The following POLE variants were observed in gnomAD, a reference collection of about 807,000 sequenced individuals.
POLE encodes DNA polymerase epsilon, catalytic subunit, also known as DNA polymerase epsilon catalytic subunit A.
Under a neutral mutation model 279.2 loss-of-function variants are expected in POLE, and 188 were observed. The ratio of observed to expected loss-of-function variants is 0.67; its 90% confidence interval spans 0.60 to 0.76. The LOEUF is 0.76. POLE is among the 30% of genes least tolerant of loss of function. The pLI, the probability that POLE is intolerant of heterozygous loss-of-function variation, is 0.00. For synonymous variants in POLE, 1,214 were observed against 1,172.5 expected, an observed-to-expected ratio of 1.04 and a Z score of -0.72; for missense variants, 2,703 against 3,016.7, an observed-to-expected ratio of 0.90 and a Z score of 2.44.
rs2138464008 is a variant in POLE at position 132,632,698 on chromosome 12, G to A, written c.6102C>T (p.Ser2034=). ...PVRRRGASQL[S]QEAEGAVGAL... ...CTCCGACCGCCCCCTCGGCCTCCTG[G>A]GAGAGCTGGCTGGCCCCCCTCCTCC... The change falls in exon 44 of 49, where the codon TCC becomes TCT. Residue 2034 remains serine (S), a synonymous_variant. Transcript: ENST00000320574. 1.2e-6 allele frequency: 2 copies of A among 1,613,998 alleles called. No individual in the cohort carries two copies. The highest frequency in any genetic ancestry group is 1.7e-6 in the Non-Finnish European group (2 of 1,180,006).
At chr12:132,645,800 CCACA>C (rs10553413) in intron 32 of POLE, among the ~76,000 whole-genome samples, 1 of 149,764 alleles carries the variant, frequency 6.7e-6, no homozygotes, top group African/African-American at 2.5e-5. Context: ...ACACACACAC[CCACA>C]CACACACACA....
At chr12:132,626,787 C>T (rs903493464) in intron 45 of POLE, among the ~76,000 whole-genome samples, 2 of 152,120 alleles carry the variant, frequency 1.3e-5, no homozygotes, top group Admixed American at 1.3e-4. Flanking sequence ...GAAAAAGGTA[C>T]AAAGATGATT....
Position 132,668,691 on chromosome 12 carries a change from T to C in POLE, c.1970A>G (p.Asn657Ser), listed in dbSNP as rs763809781. 15 of 1,613,934 alleles carry C rather than the reference T, an allele frequency of 9.3e-6. No homozygotes were observed. The highest frequency in any genetic ancestry group is 1.1e-5 in the Non-Finnish European group (13 of 1,179,948). Residue 657 changes from asparagine to serine, a missense_variant, in exon 18 of 49, where the codon AAT becomes AGT. Asn to Ser is a conservative substitution (Grantham distance 46, BLOSUM62 1). Coordinates refer to ENST00000320574, the MANE Select transcript of POLE (RefSeq NM_006231.4). The surrounding 1 kb of genome is among the most constrained non-coding windows in gnomAD (Gnocchi z 4.0). ...CCGCTGGCAGTTTGCTCCAGGCTTA[T>C]TGAAGTCACAGGCAGCACAGGTGGC... Reference protein sequence around the residue: ...DEATCAACDFNKPGANCQRKM... With the variant: ...DEATCAACDFSKPGANCQRKM...
intron 29 of POLE, among the ~76,000 whole-genome samples, chr12:132,652,164 C>G (rs1288168552): frequency 6.6e-6 from 1 of 152,096 alleles, no homozygotes; most frequent in Non-Finnish European, 1.5e-5. Context: ...TATCAACATT[C>G]TGCCTTTCTT....
intron 13 of POLE, 124 bp from the exon 14 acceptor site, chr12:132,673,401 G>T: frequency 8.4e-7 from 1 of 1,188,358 alleles, no homozygotes; most frequent in Admixed American, 1.8e-5. Context: ...GACCGGCACA[G>T]GACAAAACAC....
chr12:132,652,287 G>A (rs2042439089), intron 29 of POLE, among the ~76,000 whole-genome samples: 1 of 146,294 alleles, frequency 6.8e-6, no homozygotes, highest in Non-Finnish European at 1.5e-5. Flanking sequence ...ATAGTCTCCT[G>A]AGTTGTTTAC....
intron 4 of POLE, 48 bp from the exon 5 acceptor site, chr12:132,680,094 C>T: frequency 6.3e-7 from 1 of 1,594,688 alleles, no homozygotes; most frequent in Non-Finnish European, 8.6e-7. Flanking sequence ...AAATACATTT[C>T]CTTCCTTGCC....
Position 132,667,662 on chromosome 12 carries a change from A to C in POLE, c.2174-14T>G, listed in dbSNP as rs2042827877. Reference sequence around the variant, plus strand: ...TCCGGCAGTAATCTAAGCACGACGGAGATGGGCAGAGCAGGTGGGTGAGAT... The same window carrying C: ...TCCGGCAGTAATCTAAGCACGACGGCGATGGGCAGAGCAGGTGGGTGAGAT... On this transcript the variant is annotated splice_polypyrimidine_tract_variant and intron_variant, in intron 19 of 48. Transcript: ENST00000320574. The C allele has an allele frequency of 1.9e-6, 3 of 1,613,648 alleles. No homozygotes were observed. In the East Asian group the frequency reaches 6.7e-5, roughly 36 times the overall value.
At chr12:132,680,256 G>A (rs2043139591) in intron 3 of POLE, 34 bp from the exon 4 acceptor site, 1 of 1,596,178 alleles carries the variant, frequency 6.3e-7, no homozygotes, top group Non-Finnish European at 8.6e-7. Context: ...CAGGGGTGAT[G>A]AGAAAGAAGA....
chr12:132,674,957 C>T (rs2043011765), intron 12 of POLE, among the ~76,000 whole-genome samples: 1 of 151,946 alleles, frequency 6.6e-6, no homozygotes, highest in African/African-American at 2.4e-5. Context: ...CCCAACCAGT[C>T]ATGTCAGAGC....
At chr12:132,644,948 G>A (rs546689519) in intron 32 of POLE, among the ~76,000 whole-genome samples, 14 of 52,544 alleles carry the variant, frequency 2.7e-4, no homozygotes, top group African/African-American at 1.3e-3. Flanking sequence ...CCTGTGTGGG[G>A]TCCTGGGGGG....
At position 132,624,583 on chromosome 12, in the gene POLE, C is replaced by A; in HGVS notation, c.*114G>T. 1.3e-6 allele frequency: 1 copy of A among 754,804 alleles called. No individual in the cohort carries two copies. The highest frequency in any genetic ancestry group is 1.4e-5 in the South Asian group (1 of 70,392). The allele number at this position is 754,804 out of a possible 1,614,324, so 46.8% of individuals were successfully genotyped here. A position where few individuals can be genotyped will look rare whatever the true frequency, so the allele number is the denominator to read the frequency against. On this transcript the variant is annotated 3_prime_UTR_variant, in exon 49 of 49. Transcript: ENST00000320574. The stretch of plus-strand genomic sequence containing the variant: ...TCCTCCCCGTTCCCTGGCCTGGGGT[C>A]ACAGGTTTGGACAGTCAGGGTGGTC...
chr12:132,668,376 T>C lies in POLE; in HGVS notation c.2153A>G (p.Tyr718Cys), dbSNP rs2135974673. ...HELSREEQAK[Y>C]EKRRLADYCR... is the part of the protein sequence containing the mutation. ...CTCACCCGCCAGCCTTCTCTTCTCG[T>C]ATTTCGCCTGTTCCTCGCGGGACAG... Residue 718 changes from tyrosine to cysteine, a missense_variant, in exon 19 of 49, where the codon TAC becomes TGC. Tyr to Cys is a radical substitution (Grantham distance 194, BLOSUM62 -2). Coordinates refer to ENST00000320574, the MANE Select transcript of POLE (RefSeq NM_006231.4). This position sits in a 1 kb window ranked among gnomAD's most constrained non-coding sequence, Gnocchi z 4.0. 6.3e-7 allele frequency: 1 copy of C among 1,589,774 alleles called. No homozygotes were observed. Among genetic ancestry groups the C allele is most frequent in the Non-Finnish European group, 8.6e-7 (1 of 1,167,318 alleles).
intron 29 of POLE, among the ~76,000 whole-genome samples, chr12:132,656,257 G>A (rs748418610): frequency 2.4e-4 from 37 of 152,250 alleles, no homozygotes; most frequent in Non-Finnish European, 1.3e-4. Flanking sequence ...CTCCTGCCTG[G>A]GCAATAGAGC....
In POLE at chr12:132,679,541, C is replaced by T. The variant is rs1472615117; in HGVS notation, c.534G>A (p.Arg178=). Residue 178 remains arginine, a synonymous_variant, in exon 6 of 49, where the codon AGG becomes AGA. Coordinates refer to ENST00000320574, the MANE Select transcript of POLE (RefSeq NM_006231.4). ...ACGCGTCGCTGGCGTGATCCTGCTC[C>T]CTGTTCTTCTTCACGGCAGGGGAGA... ...KEISPAVKKN[R]EQDHASDAYT... 1 of 1,613,952 alleles carries T rather than the reference C, an allele frequency of 6.2e-7. No homozygotes were observed. The highest frequency in any genetic ancestry group is 8.5e-7 in the Non-Finnish European group (1 of 1,179,950).
Position 132,687,288 on chromosome 12 carries a change from G to T in POLE, c.28C>A (p.Arg10Ser). 6.7e-7 allele frequency: 1 copy of T among 1,501,154 alleles called. No homozygotes were observed. 93.0% of individuals were successfully genotyped at this position (1,501,154 alleles called of 1,614,324 possible). A position where few individuals can be genotyped will look rare whatever the true frequency, so the allele number is the denominator to read the frequency against. MSLRSGGRR[R>S]ADPGADGEAS... ...TCGCCATCCGCGCCTGGGTCCGCGC[G>T]CCGCCGCCCGCCGCTCCTCAGAGAC... The change falls in exon 1 of 49, where the codon CGC (arginine) becomes AGC (serine). Residue 10 changes from arginine (R) to serine (S), a missense_variant. Arg to Ser is a moderately radical substitution (Grantham distance 110). Around this residue, in one of 5 missense-constraint regions of POLE, gnomAD observed 1,011 missense variants for 1,111.7 expected, o/e 0.91. Transcript: ENST00000320574.
At chr12:132,669,779 C>T (rs1241245598) in intron 16 of POLE, among the ~76,000 whole-genome samples, 1 of 152,186 alleles carries the variant, frequency 6.6e-6, no homozygotes, top group African/African-American at 2.4e-5. Context: ...CTGGACATGC[C>T]CCACGTGGCT....
intron 16 of POLE, 112 bp downstream of exon 16, chr12:132,672,103 C>T: frequency 1.4e-6 from 1 of 739,316 alleles, no homozygotes; most frequent in Non-Finnish European, 2.4e-6. Flanking sequence ...CCTGTGTCAT[C>T]CGTCCACAGC....
intron 1 of POLE, among the ~76,000 whole-genome samples, chr12:132,686,047 G>A (rs901466178): frequency 6.6e-6 from 1 of 152,116 alleles, no homozygotes; most frequent in East Asian, 1.9e-4. Flanking sequence ...CGCTAATTTT[G>A]TATTTTTTTA....
Sources: gnomAD v4.1 joint callset for allele counts (sites outside exome capture counted in the v4.1 genomes callset) on GRCh38, gnomAD v4.1.1 for gene constraint, gnomAD v4.1.1 regional missense constraint, Gnocchi (gnomAD v3.1) non-coding constraint, MANE v1.5 for transcripts, NCBI Gene and HGNC (gene_info 2026-07-23, HGNC 2026-07-21) for gene names.